STYX: variants seen among roughly 807,000 people sequenced by gnomAD.
STYX encodes serine/threonine/tyrosine interacting protein, also known as serine/threonine/tyrosine-interacting protein.
In STYX, 20 loss-of-function variants were observed where a neutral mutation model predicts 42.7. The ratio of observed to expected loss-of-function variants is 0.47; its 90% CI spans 0.33 to 0.68. The LOEUF is 0.68. Ranked by LOEUF, STYX falls within the 30% of genes least tolerant of loss-of-function variation. The probability of loss-of-function intolerance (pLI) is 0.02; values close to 1 mark genes in which losing one functional copy is unlikely to be tolerated. For synonymous variants in STYX, 78 were observed against 81.9 expected (o/e 0.95, Z 0.26); for missense variants, 226 against 268.5 (o/e 0.84, Z 1.11).
intron 1 of STYX, among the ~76,000 whole-genome samples, chr14:52,736,124 G>A (rs1880939547): frequency 6.6e-6 from 1 of 152,060 alleles, no homozygotes; most frequent in Non-Finnish European, 1.5e-5. Flanking sequence ...CGCCTTCAGA[G>A]CCTTTATGTT....
intron 9 of STYX, among the ~76,000 whole-genome samples, chr14:52,762,314 C>G (rs1174394576): frequency 6.6e-6 from 1 of 152,102 alleles, no homozygotes; most frequent in Non-Finnish European, 1.5e-5. Flanking sequence ...ATACCAAATT[C>G]TGATATGTCC....
At chr14:52,751,883 GC>G (rs1409199644) in intron 4 of STYX, among the ~76,000 whole-genome samples, 3 of 151,952 alleles carry the variant, frequency 2.0e-5, no homozygotes, top group African/African-American at 7.3e-5. Context: ...AATATTTTAG[GC>G]CAGCACGGTG....
intron 5 of STYX, among the ~76,000 whole-genome samples, chr14:52,757,040 T>C (rs1240548000): frequency 1.3e-5 from 2 of 152,188 alleles, no homozygotes; most frequent in East Asian, 3.8e-4. Flanking sequence ...GACTGAAAAT[T>C]ATGTGATTGT....
At chr14:52,738,013 T>G (rs1451589100) in intron 1 of STYX, among the ~76,000 whole-genome samples, 4 of 152,060 alleles carry the variant, frequency 2.6e-5, no homozygotes, top group African/African-American at 9.7e-5. Flanking sequence ...CCTGACCCTG[T>G]GATCCACCCT....
intron 1 of STYX, among the ~76,000 whole-genome samples, chr14:52,733,118 A>G (rs1880800772): frequency 6.6e-6 from 1 of 152,150 alleles, no homozygotes; most frequent in Non-Finnish European, 1.5e-5. Flanking sequence ...ACACAGTAGC[A>G]CAAGACACAG....
At chr14:52,750,588 G>A (rs1881572090) in intron 3 of STYX, 95 bp from the exon 4 acceptor site, 4 of 811,358 alleles carry the variant, frequency 4.9e-6, no homozygotes, top group East Asian at 2.8e-5. Context: ...TGGGTTCTGT[G>A]TATTTTCAAA....
At chr14:52,766,962 A>C (rs1057478492) in intron 9 of STYX, among the ~76,000 whole-genome samples, 5 of 152,180 alleles carry the variant, frequency 3.3e-5, no homozygotes, top group Non-Finnish European at 7.3e-5. Context: ...AGCAGAGAAC[A>C]AAACAGACAA....
At chr14:52,770,598 A>G (rs1882474237) in intron 10 of STYX, among the ~76,000 whole-genome samples, 1 of 152,106 alleles carries the variant, frequency 6.6e-6, no homozygotes, top group African/African-American at 2.4e-5. Flanking sequence ...AAATATTTTC[A>G]GCTGCTCTTC....
chr14:52,770,156 T>C (rs1882456474), intron 10 of STYX, among the ~76,000 whole-genome samples: 1 of 152,124 alleles, frequency 6.6e-6, no homozygotes, highest in Non-Finnish European at 1.5e-5. Context: ...CAGCACTTCA[T>C]CTGAAACTTA....
rs529250996 is a variant in STYX at position 52,774,539 on chromosome 14, T to C, written c.*3433T>C. 5 of 121,078 alleles carry C rather than the reference T, an allele frequency of 4.1e-5. No homozygotes were observed. The East Asian group carries it at 1.3e-3, about 32-fold the overall frequency. The allele number at this position is 121,078 out of a possible 1,614,324, so 7.5% of individuals were successfully genotyped here. ...AATAGATGAGAAGTACTGAAAGACC[T>C]TTTTTTTTAATTGATTAGAAAAGTA... On this transcript the variant is annotated 3_prime_UTR_variant, in exon 11 of 11. Coordinates refer to ENST00000354586, the MANE Select transcript of STYX (RefSeq NM_145251.4).
intron 4 of STYX, among the ~76,000 whole-genome samples, chr14:52,753,231 T>G (rs912928311): frequency 9.2e-5 from 14 of 151,984 alleles, no homozygotes; most frequent in African/African-American, 3.4e-4. Context: ...TTTTGTATTT[T>G]TAGTAGAGAC....
rs773509285 is a variant in STYX at position 52,767,125 on chromosome 14, A to G, written c.505-1715A>G. 2.6e-5 allele frequency among the ~76,000 whole-genome samples: 4 copies of G among 152,322 alleles called. No homozygotes were observed. In the South Asian group the frequency reaches 8.3e-4, roughly 32 times the overall value. On this transcript the variant is annotated intron_variant, in intron 9 of 10. Transcript: ENST00000354586. The stretch of plus-strand genomic sequence containing the variant: ...TAGAAGGGTGGTCAGAAATGGGCTT[A>G]CTGAAAAGTGATATTTGAGCAAAGA...
At chr14:52,763,001 T>C (rs1882160483) in intron 9 of STYX, among the ~76,000 whole-genome samples, 2 of 150,852 alleles carry the variant, frequency 1.3e-5, no homozygotes, top group Admixed American at 6.6e-5. Flanking sequence ...CAAGTGATTC[T>C]GCTGCCTCAG....
chr14:52,768,181 A>G (rs1039891482), intron 9 of STYX, among the ~76,000 whole-genome samples: 1 of 151,906 alleles, frequency 6.6e-6, no homozygotes, highest in Non-Finnish European at 1.5e-5. Flanking sequence ...GGATGGTTCT[A>G]TTTTTTTTGA....
At chr14:52,738,962 C>G (rs929451803) in intron 1 of STYX, among the ~76,000 whole-genome samples, 2 of 151,632 alleles carry the variant, frequency 1.3e-5, no homozygotes, top group Non-Finnish European at 2.9e-5. Context: ...TATATAAACT[C>G]CTAAATATCA....
intron 1 of STYX, among the ~76,000 whole-genome samples, chr14:52,738,742 C>A (rs574729391): frequency 2.0e-5 from 3 of 152,272 alleles, no homozygotes; most frequent in East Asian, 1.9e-4. Context: ...AGGACAGATC[C>A]TCCAAAAGAA....
chr14:52,759,852 T>G lies in STYX; in HGVS notation c.504+98T>G, dbSNP rs529929470. 5.2e-5 allele frequency: 38 copies of G among 732,090 alleles called. No individual in the cohort carries two copies. The African/African-American group carries it at 6.6e-4, about 13-fold the overall frequency. The allele number at this position is 732,090 out of a possible 1,614,324, so 45.3% of individuals were successfully genotyped here. ...AATTTACTTTGTGAATACTTAAAAT[T>G]GCCATAATCTGACTACTTTGATGCT... On this transcript the variant is annotated intron_variant, in intron 9 of 10. Transcript: ENST00000354586.
chr14:52,737,948 T>C (rs922415066), intron 1 of STYX, among the ~76,000 whole-genome samples: 2 of 152,188 alleles, frequency 1.3e-5, no homozygotes, highest in Non-Finnish European at 2.9e-5. Context: ...GCTAATTTTT[T>C]GTATTTTTGG....
At chr14:52,763,834 G>C (rs1438674598) in intron 9 of STYX, among the ~76,000 whole-genome samples, 1 of 152,058 alleles carries the variant, frequency 6.6e-6, no homozygotes, top group African/African-American at 2.4e-5. Flanking sequence ...TCTGTCTTGG[G>C]CTGAAATCAG....
Sources: allele counts gnomAD v4.1 joint callset (sites outside exome capture counted in the v4.1 genomes callset), GRCh38; gene constraint gnomAD v4.1.1; transcripts MANE v1.5; gene names NCBI Gene and HGNC (gene_info 2026-07-23, HGNC 2026-07-21).